The following PTPRM variants were observed in gnomAD, a reference collection of about 807,000 sequenced individuals.
PTPRM encodes the protein receptor-type tyrosine-protein phosphatase mu.
A neutral mutation model predicts 186.7 loss-of-function variants in PTPRM; 47 were observed. The observed-to-expected ratio is 0.25, with a 90% confidence interval of 0.20 to 0.32. The LOEUF (loss-of-function observed/expected upper bound fraction) is 0.32. Among genes scored for constraint, PTPRM ranks in the 10% least tolerant of loss-of-function variants. The pLI is 1.00. For synonymous variants in PTPRM, 668 were observed against 674.9 expected, an observed-to-expected ratio of 0.99 and a Z score of 0.16; for missense variants, 1,494 against 1,865.0, an observed-to-expected ratio of 0.80 and a Z score of 3.66.
rs1451930611 is a variant in PTPRM at position 8,319,329 on chromosome 18, C to T, written c.2956+115C>T. The T allele has an allele frequency of 4.3e-6, 3 of 690,478 alleles. No homozygotes were observed. In the African/African-American group the frequency reaches 5.5e-5, roughly 13 times the overall value. The allele number at this position is 690,478 out of a possible 1,614,324, so 42.8% of individuals were successfully genotyped here. ...ATTGCACATTTATTGCGGTTCTAGC[C>T]ATCGGCAGGTACACTCTTGCCTTCC... is the stretch of plus-strand genomic sequence containing the variant. On this transcript the variant is annotated intron_variant, in intron 22 of 32. Coordinates refer to ENST00000580170, the MANE Select transcript of PTPRM (RefSeq NM_001105244.2).
At chr18:8,164,306 A>G (rs115961740) in intron 14 of PTPRM, among the ~76,000 whole-genome samples, 3 of 152,330 alleles carry the variant, frequency 2.0e-5, no homozygotes, top group African/African-American at 4.8e-5. Context: ...GGACCCAAAA[A>G]TGCAGCCCTA....
intron 19 of PTPRM, among the ~76,000 whole-genome samples, chr18:8,292,105 C>T (rs1454485752): frequency 2.6e-5 from 4 of 152,154 alleles, no homozygotes; most frequent in African/African-American, 7.2e-5. Flanking sequence ...TCTGAGAGAT[C>T]GTACCATATC....
At chr18:8,005,379 G>C (rs761828071) in intron 7 of PTPRM, among the ~76,000 whole-genome samples, 8 of 152,044 alleles carry the variant, frequency 5.3e-5, no homozygotes, top group African/African-American at 1.9e-4. Flanking sequence ...TCACATCTCT[G>C]GGAAGTTCTT....
intron 19 of PTPRM, among the ~76,000 whole-genome samples, chr18:8,289,368 T>G (rs1055114374): frequency 6.7e-6 from 1 of 149,314 alleles, no homozygotes; most frequent in Middle Eastern, 3.5e-3. Flanking sequence ...TCATGGGGAC[T>G]GTTTATAGGC....
intron 32 of PTPRM, 64 bp from the exon 33 acceptor site, chr18:8,406,045 A>G (rs1205387490): frequency 5.6e-6 from 8 of 1,433,126 alleles, no homozygotes; most frequent in Middle Eastern, 1.7e-4. Context: ...CTCTATGGTA[A>G]TTGCTTTACT....
chr18:7,674,929 C>T (rs756734936), intron 1 of PTPRM, among the ~76,000 whole-genome samples: 5 of 152,174 alleles, frequency 3.3e-5, no homozygotes, highest in Non-Finnish European at 5.9e-5. Flanking sequence ...GTTTCAAACG[C>T]ATCAGTAGGA....
At chr18:8,057,401 C>A (rs1177466370) in intron 7 of PTPRM, among the ~76,000 whole-genome samples, 1 of 145,174 alleles carries the variant, frequency 6.9e-6, no homozygotes, top group Non-Finnish European at 1.5e-5. Flanking sequence ...ATATTTCAAC[C>A]ATTGTTGTGA....
chr18:7,882,333 C>T (rs1280865063), intron 2 of PTPRM, among the ~76,000 whole-genome samples: 1 of 151,702 alleles, frequency 6.6e-6, no homozygotes, highest in Non-Finnish European at 1.5e-5. Flanking sequence ...AAAACAACAA[C>T]AACTGGTTTT....
At chr18:8,131,046 T>C (rs1027977218) in intron 13 of PTPRM, among the ~76,000 whole-genome samples, 1 of 152,170 alleles carries the variant, frequency 6.6e-6, no homozygotes, top group Non-Finnish European at 1.5e-5. Context: ...TACTCTAATA[T>C]AGGATTGTTT....
At chr18:8,334,359 TCCTGAGCCCA>T (rs2095427415) in intron 22 of PTPRM, among the ~76,000 whole-genome samples, 1 of 152,188 alleles carries the variant, frequency 6.6e-6, no homozygotes, top group African/African-American at 2.4e-5. Flanking sequence ...ATCCCCTGGT[TCCTGAGCCCA>T]CCTGAGCCTC....
chr18:8,076,666 T>C, intron 9 of PTPRM, 102 bp downstream of exon 9: 1 of 594,582 alleles, frequency 1.7e-6, no homozygotes, highest in South Asian at 2.7e-5. Flanking sequence ...TAATATATTT[T>C]AAGAAGTTTA....
rs79027145 is a variant in PTPRM, at chr18:7,925,578, A to G, written c.548-990A>G. Among the ~76,000 whole-genome samples the G allele has an allele frequency of 1.0e-3, 153 of 152,240 alleles. 3 individuals are homozygous for G. The East Asian group carries it at 0.028, about 28-fold the overall frequency. ...TAGACATGGCTAAAGACACATTTGC[A>G]GTGGGGAAAAGCTGGCAAGGCGTGA... On this transcript the variant is annotated intron_variant, in intron 4 of 32. Transcript: ENST00000580170.
rs757181123 is a variant in PTPRM, at chr18:8,384,546, A to G, written c.3919-15A>G. The G allele has an allele frequency of 2.5e-6, 4 of 1,613,902 alleles. No homozygotes were observed. The highest frequency in any genetic ancestry group is 2.5e-6 in the Non-Finnish European group (3 of 1,179,868). ...CTCTTATAACTAACCTTGTGTTTAT[A>G]TGTTTTGAATTCAGTTGTGTCCACA... On this transcript the variant is annotated splice_polypyrimidine_tract_variant and intron_variant, in intron 29 of 32. Transcript: ENST00000580170.
intron 1 of PTPRM, among the ~76,000 whole-genome samples, chr18:7,585,413 T>C (rs112745441): frequency 2.8e-4 from 43 of 152,294 alleles, no homozygotes; most frequent in African/African-American, 9.1e-4. Context: ...GAATAGTTTT[T>C]GTTTTTGAAC....
chr18:7,770,610 A>G (rs1249492890), intron 1 of PTPRM, among the ~76,000 whole-genome samples: 1 of 152,260 alleles, frequency 6.6e-6, no homozygotes, highest in Non-Finnish European at 1.5e-5. Context: ...TAAAGAATCT[A>G]GACTTGGGAG....
chr18:8,379,282 C>A lies in PTPRM; in HGVS notation c.3728C>A (p.Pro1243His), dbSNP rs1392762837. The part of the protein sequence containing the change: ...MDILPPDRCL[P>H]FLITIDGESS... ...ATCCTGCCCCCAGACCGCTGCCTGC[C>A]CTTCCTCATCACCATCGATGGGGAG... is the stretch of plus-strand genomic sequence containing the variant. The change falls in exon 28 of 33, where the codon CCC becomes CAC. Residue 1243 changes from proline (P) to histidine (H), a missense_variant. Around this residue, in one of 3 missense-constraint regions of PTPRM, gnomAD observed 1,107 missense variants for 1,350.2 expected, o/e 0.82. Transcript: ENST00000580170. The A allele has an allele frequency of 6.2e-7, 1 of 1,614,080 alleles. No homozygotes were observed. The highest frequency in any genetic ancestry group is 1.7e-5 in the Admixed American group (1 of 60,018).
intron 14 of PTPRM, among the ~76,000 whole-genome samples, chr18:8,181,933 A>G (rs753081047): frequency 1.3e-5 from 2 of 152,198 alleles, no homozygotes; most frequent in Non-Finnish European, 1.5e-5. Context: ...TAATGGTTCA[A>G]TTTTAAGATG....
At chr18:7,644,157 A>G (rs182319431) in intron 1 of PTPRM, among the ~76,000 whole-genome samples, 70 of 152,300 alleles carry the variant, frequency 4.6e-4, no homozygotes, top group African/African-American at 1.7e-3. Flanking sequence ...GGAGGTTTCT[A>G]CTTACAAAAG....
intron 7 of PTPRM, among the ~76,000 whole-genome samples, chr18:7,959,531 G>C (rs966096100): frequency 2.6e-5 from 4 of 152,174 alleles, no homozygotes; most frequent in Admixed American, 2.6e-4. Flanking sequence ...GTGGCTTGTA[G>C]ACACAGTCTC....
Sources: allele counts gnomAD v4.1 joint callset (sites outside exome capture counted in the v4.1 genomes callset), GRCh38; gene constraint gnomAD v4.1.1; regional missense constraint gnomAD v4.1.1; transcripts MANE v1.5; gene names NCBI Gene and HGNC (gene_info 2026-07-23, HGNC 2026-07-21).